WDR76: variants seen among roughly 807,000 people sequenced by gnomAD.
The protein encoded by WDR76 is WD repeat domain 76.
A neutral mutation model predicts 70.2 loss-of-function variants in WDR76; 52 were observed. That is an observed-to-expected ratio of 0.74 (90% confidence interval 0.59 to 0.93). The LOEUF (loss-of-function observed/expected upper bound fraction) is 0.93. WDR76 is among the 40% of genes least tolerant of loss of function. WDR76 has a pLI of 0.00. For synonymous variants in WDR76, 292 were observed against 271.1 expected, an observed-to-expected ratio of 1.08 and a Z score of -0.76; for missense variants, 756 against 760.2, an observed-to-expected ratio of 0.99 and a Z score of 0.07.
chr15:43,856,930 T>A lies in WDR76; in HGVS notation c.1192-16T>A. 2 of 1,600,606 alleles carry A rather than the reference T, an allele frequency of 1.2e-6. No individual in the cohort carries two copies. The highest frequency in any genetic ancestry group is 1.7e-6 in the Non-Finnish European group (2 of 1,170,778). ...AGAAGAGTGTGATATAAGCTGATTG[T>A]TACTTATATTCTTAGGTGTATAGAA... On this transcript the variant is annotated splice_polypyrimidine_tract_variant and intron_variant, in intron 9 of 12. Transcript: ENST00000263795.
chr15:43,848,705 C>T (rs2087818675), intron 8 of WDR76, among the ~76,000 whole-genome samples: 1 of 152,130 alleles, frequency 6.6e-6, no homozygotes, highest in African/African-American at 2.4e-5. Context: ...CTTTGGGAGG[C>T]TGAGGCAGGT....
At chr15:43,831,031 G>T (rs2087581137) in intron 2 of WDR76, among the ~76,000 whole-genome samples, 1 of 152,002 alleles carries the variant, frequency 6.6e-6, no homozygotes. Context: ...CTGGGCGACA[G>T]AGCGAGACTC....
At chr15:43,835,876 C>T (rs1021873628) in intron 3 of WDR76, among the ~76,000 whole-genome samples, 4 of 151,726 alleles carry the variant, frequency 2.6e-5, no homozygotes, top group Admixed American at 6.6e-5. Flanking sequence ...AGGCTGGTCT[C>T]GAACTGCTGA....
At chr15:43,828,906 T>A (rs1376513996) in intron 2 of WDR76, among the ~76,000 whole-genome samples, 1 of 2,872 alleles carries the variant, frequency 3.5e-4, no homozygotes, top group African/African-American at 3.4e-3. Context: ...AATTTTTTTC[T>A]TTTTTTTTTT....
chr15:43,868,289 A>ATTGTTT lies in WDR76; in HGVS notation c.*1912_*1917dup, dbSNP rs1013328113. On this transcript the variant is annotated 3_prime_UTR_variant, in exon 13 of 13. Transcript: ENST00000263795. ...TTCTAGAGTGGTTAGTTCTACGGGA[A>ATTGTTT]TTGTTTTTGTTTTTGTTTTTAAAGA... is the stretch of plus-strand genomic sequence containing the variant. 6.6e-6 allele frequency: 1 copy of ATTGTTT among 152,160 alleles called. No homozygotes were observed. Among genetic ancestry groups the ATTGTTT allele is most frequent in the Non-Finnish European group, 1.5e-5 (1 of 68,026 alleles). 9.4% of individuals were successfully genotyped at this position (152,160 alleles called of 1,614,324 possible).
chr15:43,846,267 C>G (rs1180062902), intron 8 of WDR76, among the ~76,000 whole-genome samples: 1 of 136,744 alleles, frequency 7.3e-6, no homozygotes, highest in African/African-American at 2.5e-5. Context: ...ACTGGAGAAG[C>G]ATTGGATAGA....
At position 43,856,942 on chromosome 15, in the gene WDR76, T is replaced by G. The variant is rs866267777; in HGVS notation, c.1192-4T>G. On this transcript the variant is annotated splice_region_variant and splice_polypyrimidine_tract_variant and intron_variant, in intron 9 of 12. Transcript: ENST00000263795. ...TATAAGCTGATTGTTACTTATATTC[T>G]TAGGTGTATAGAAATGAAAGAAGTA... The G allele has an allele frequency of 6.8e-6, 11 of 1,611,884 alleles. No homozygotes were observed. The South Asian group carries it at 9.9e-5, about 15-fold the overall frequency.
intron 12 of WDR76, among the ~76,000 whole-genome samples, chr15:43,863,597 T>C (rs2140314888): frequency 6.6e-6 from 1 of 150,836 alleles, no homozygotes; most frequent in South Asian, 2.1e-4. Flanking sequence ...TCTCGCTCCC[T>C]TGCCCAGTAT....
chr15:43,865,131 T>A (rs1392605855), intron 12 of WDR76, among the ~76,000 whole-genome samples: 2 of 150,052 alleles, frequency 1.3e-5, no homozygotes, highest in Non-Finnish European at 3.0e-5. Flanking sequence ...AATCTCACTC[T>A]GTTGCCCAGG....
In WDR76 at chr15:43,866,487, T is replaced by A; in HGVS notation, c.*95T>A. ...TTAGTGTGTTTATGTGGTAATGTGT[T>A]ACATTTAGCAATTATAACATTGTTT... On this transcript the variant is annotated 3_prime_UTR_variant, in exon 13 of 13. Coordinates refer to ENST00000263795, the MANE Select transcript of WDR76 (RefSeq NM_024908.4). 1 of 1,357,114 alleles carries A rather than the reference T, an allele frequency of 7.4e-7. No homozygotes were observed. The highest frequency in any genetic ancestry group is 2.3e-5 in the East Asian group (1 of 43,324). The allele number at this position is 1,357,114 out of a possible 1,614,324, so 84.1% of individuals were successfully genotyped here. A position where few individuals can be genotyped will look rare whatever the true frequency, so the allele number is the denominator to read the frequency against.
At chr15:43,827,228 C>A in intron 1 of WDR76, 136 bp downstream of exon 1, 1 of 1,020,672 alleles carries the variant, frequency 9.8e-7, no homozygotes, top group Non-Finnish European at 1.5e-6. Context: ...AGGCCTTCAG[C>A]TTTGACGAAA....
chr15:43,857,730 A>T (rs2087945736), intron 10 of WDR76, among the ~76,000 whole-genome samples: 1 of 151,490 alleles, frequency 6.6e-6, no homozygotes, highest in African/African-American at 2.4e-5. Context: ...TGAGGCACAG[A>T]ATCACTTGAA....
At chr15:43,829,103 T>C (rs1387771315) in intron 2 of WDR76, among the ~76,000 whole-genome samples, 1 of 151,898 alleles carries the variant, frequency 6.6e-6, no homozygotes, top group Non-Finnish European at 1.5e-5. Context: ...GGTTTCACCA[T>C]GTTTGTCAGG....
chr15:43,827,184 T>C (rs2087528146), intron 1 of WDR76, 92 bp downstream of exon 1: 3 of 1,551,092 alleles, frequency 1.9e-6, no homozygotes, highest in East Asian at 2.3e-5. Flanking sequence ...CGAGGGCACC[T>C]GGCACCGGGG....
At position 43,839,831 on chromosome 15, in the gene WDR76, A is replaced by G. The variant is rs572622207; in HGVS notation, c.732+103A>G. 2.1e-5 allele frequency: 27 copies of G among 1,285,040 alleles called. No individual in the cohort carries two copies. The South Asian group carries it at 4.1e-4, about 20-fold the overall frequency. 79.6% of individuals were successfully genotyped at this position (1,285,040 alleles called of 1,614,324 possible). ...TTCATTAAATTATGTTTAATTTTAT[A>G]TTTCATTAATACTTGAATGTTGTAT... On this transcript the variant is annotated intron_variant, in intron 5 of 12. Coordinates refer to ENST00000263795, the MANE Select transcript of WDR76 (RefSeq NM_024908.4).
At chr15:43,853,764 G>A (rs865967494) in intron 9 of WDR76, among the ~76,000 whole-genome samples, 3 of 151,942 alleles carry the variant, frequency 2.0e-5, no homozygotes, top group African/African-American at 7.2e-5. Flanking sequence ...AAATTAGCCA[G>A]GCGCGGTGGC....
chr15:43,849,011 C>T (rs1056918999), intron 8 of WDR76, among the ~76,000 whole-genome samples: 1 of 147,676 alleles, frequency 6.8e-6, no homozygotes, highest in Non-Finnish European at 1.5e-5. Context: ...CCCGTCTCCA[C>T]TAAAAATACA....
In WDR76 at chr15:43,841,308, T is replaced by A. The variant is rs538869504; in HGVS notation, c.733-1107T>A. On this transcript the variant is annotated intron_variant, in intron 5 of 12. Transcript: ENST00000263795. ...AGCTCTGCATCCCAGGTTCATGCCA[T>A]TCTCCTGGCTCAGCCTCCGCTGGGA... Among the ~76,000 whole-genome samples the A allele has an allele frequency of 3.1e-4, 47 of 149,280 alleles. 1 individual carries two copies. The highest frequency in any genetic ancestry group is 1.0e-3 in the African/African-American group (42 of 40,960).
At chr15:43,862,823 T>C (rs1203140229) in intron 12 of WDR76, among the ~76,000 whole-genome samples, 1 of 152,172 alleles carries the variant, frequency 6.6e-6, no homozygotes, top group Non-Finnish European at 1.5e-5. Flanking sequence ...TCTGTATTTT[T>C]AGTAGAGATG....
Sources: allele counts gnomAD v4.1 joint callset (sites outside exome capture counted in the v4.1 genomes callset), GRCh38; gene constraint gnomAD v4.1.1; transcripts MANE v1.5; gene names NCBI Gene and HGNC (gene_info 2026-07-23, HGNC 2026-07-21).